The following ETFRF1 variants were observed in gnomAD, a reference collection of about 807,000 sequenced individuals.
ETFRF1 encodes electron transfer flavoprotein regulatory factor 1.
A neutral mutation model predicts 9.0 loss-of-function variants in ETFRF1; 12 were observed. The ratio of observed to expected loss-of-function variants is 1.34; its 90% CI spans 0.86 to 2.16. ETFRF1 has a LOEUF of 2.16. Ranked by LOEUF, ETFRF1 falls within the 30% of genes most tolerant of loss-of-function variation. ETFRF1 has a pLI of 0.00. For synonymous variants in ETFRF1, 34 were observed against 33.2 expected, an observed-to-expected ratio of 1.02 and a Z score of -0.08; for missense variants, 98 against 101.8, an observed-to-expected ratio of 0.96 and a Z score of 0.16.
chr12:25,202,072 A>AAAAAAAAAAAAT (rs1951078515), intron 1 of ETFRF1, among the ~76,000 whole-genome samples: 1 of 141,770 alleles, frequency 7.1e-6, no homozygotes, highest in Non-Finnish European at 1.5e-5. Context: ...ACAAAAAAAA[A>AAAAAAAAAAAAT]AAAAAAAAAA....
At chr12:25,202,393 GA>G (rs2141470931) in intron 1 of ETFRF1, among the ~76,000 whole-genome samples, 1 of 45,724 alleles carries the variant, frequency 2.2e-5, no homozygotes, top group East Asian at 4.7e-3. Flanking sequence ...ATGCAGTGAG[GA>G]GGGCCTCTGG....
chr12:25,199,645 C>T (rs1951059062), intron 1 of ETFRF1, among the ~76,000 whole-genome samples: 1 of 150,258 alleles, frequency 6.7e-6, no homozygotes, highest in African/African-American at 2.4e-5. Context: ...CACACACACA[C>T]ACAATGAAGC....
At chr12:25,198,035 ACT>A (rs1491504283) in intron 1 of ETFRF1, among the ~76,000 whole-genome samples, 2 of 152,142 alleles carry the variant, frequency 1.3e-5, no homozygotes, top group African/African-American at 2.4e-5. Flanking sequence ...AACCCAATTC[ACT>A]CTGCAGAATT....
intron 1 of ETFRF1, among the ~76,000 whole-genome samples, chr12:25,199,332 A>G (rs1229767635): frequency 2.9e-5 from 1 of 34,596 alleles, no homozygotes; most frequent in East Asian, 7.7e-4. Context: ...CATATAGTAC[A>G]TACTGTACTA....
chr12:25,198,106 T>G (rs1299159358), intron 1 of ETFRF1, among the ~76,000 whole-genome samples: 1 of 152,188 alleles, frequency 6.6e-6, no homozygotes, highest in African/African-American at 2.4e-5. Context: ...GAAAGCTATT[T>G]GAGAAACACC....
Position 25,204,322 on chromosome 12 carries a change from C to G in ETFRF1, c.*10C>G. 6.5e-7 allele frequency: 1 copy of G among 1,543,576 alleles called. No individual in the cohort carries two copies. The highest frequency in any genetic ancestry group is 8.7e-7 in the Non-Finnish European group (1 of 1,150,296). The stretch of plus-strand genomic sequence containing the variant: ...CAACAAAACTAATTGATCATTACTA[C>G]TTTAATTTAGCTATCAGTGCCAGCT... On this transcript the variant is annotated 3_prime_UTR_variant, in exon 3 of 3. Coordinates refer to ENST00000381356, the MANE Select transcript of ETFRF1 (RefSeq NM_001001660.3).
chr12:25,199,324 T>C (rs912799509), intron 1 of ETFRF1, among the ~76,000 whole-genome samples: 1 of 122,558 alleles, frequency 8.2e-6, no homozygotes, highest in African/African-American at 3.1e-5. Flanking sequence ...ATATAGTACA[T>C]ATAGTACATA....
At chr12:25,199,295 AGTAT>A (rs577255854) in intron 1 of ETFRF1, among the ~76,000 whole-genome samples, 294 of 149,000 alleles carry the variant, frequency 2.0e-3, no homozygotes, top group African/African-American at 6.5e-3. Context: ...TATACTACGT[AGTAT>A]GTACTACATA....
rs143485276 is a variant in ETFRF1, at chr12:25,202,350, G to C, written c.-37-1570G>C. ...GTGGGGGCGAGAGAAAGGCTGGCAA[G>C]GTAGTAGCCCAGCAGGGGATACTGG... On this transcript the variant is annotated intron_variant, in intron 1 of 2. Coordinates refer to ENST00000381356, the MANE Select transcript of ETFRF1 (RefSeq NM_001001660.3). 5.7e-4 allele frequency among the ~76,000 whole-genome samples: 86 copies of C among 151,934 alleles called. No individual in the cohort carries two copies. The East Asian group carries it at 0.013, about 23-fold the overall frequency.
chr12:25,197,659 G>A (rs1951041384), intron 1 of ETFRF1, among the ~76,000 whole-genome samples: 1 of 151,934 alleles, frequency 6.6e-6, no homozygotes, highest in Non-Finnish European at 1.5e-5. Flanking sequence ...TAGAGACAAG[G>A]TCTCACTCAC....
At position 25,199,615 on chromosome 12, in the gene ETFRF1, T is replaced by TACACACACACAC. The variant is rs769056865; in HGVS notation, c.-38+4281_-38+4282insCACACACACACA. 5.6e-3 allele frequency among the ~76,000 whole-genome samples: 623 copies of TACACACACACAC among 111,278 alleles called. 9 individuals carry two copies. Among genetic ancestry groups the TACACACACACAC allele is most frequent in the East Asian group, 0.025 (124 of 4,910 alleles). The allele number at this position is 111,278 out of a possible 152,430, so 73.0% of individuals were successfully genotyped here. ...AGATTTGTATATATACATATATGTA[T>TACACACACACAC]ACATACACACACACACACACACACA... On this transcript the variant is annotated intron_variant, in intron 1 of 2. Coordinates refer to ENST00000381356, the MANE Select transcript of ETFRF1 (RefSeq NM_001001660.3).
rs987529514 is a variant in ETFRF1 at position 25,204,107 on chromosome 12, G to A, written c.68G>A (p.Arg23Gln). The A allele has an allele frequency of 3.1e-6, 5 of 1,589,224 alleles. No individual in the cohort carries two copies. The highest frequency in any genetic ancestry group is 1.1e-5 in the South Asian group (1 of 88,478). The change falls in exon 3 of 3, where the codon CGA (arginine) becomes CAA (glutamine). Residue 23 changes from arginine (R) to glutamine (Q), a missense_variant. Transcript: ENST00000381356. The stretch of plus-strand genomic sequence containing the variant: ...TTTTTGAAGCTGCTGTATCTTGGAC[G>A]AGACTATCCAAAAGGAGCAGACTAT... ...KLYKNLLYLG[R>Q]DYPKGADYFK...
chr12:25,196,720 A>T (rs1288777595), intron 1 of ETFRF1, among the ~76,000 whole-genome samples: 2 of 152,240 alleles, frequency 1.3e-5, no homozygotes, highest in Non-Finnish European at 2.9e-5. Flanking sequence ...AGTAACCTCC[A>T]TGACTTCATG....
At chr12:25,195,447 G>T (rs1950968154) in intron 1 of ETFRF1, 110 bp downstream of exon 1, 4 of 460,584 alleles carry the variant, frequency 8.7e-6, no homozygotes, top group Non-Finnish European at 1.6e-5. Context: ...AGGGTTCTGA[G>T]CGTCTCCTGA....
At chr12:25,198,740 AG>A (rs1951051301) in intron 1 of ETFRF1, among the ~76,000 whole-genome samples, 1 of 152,246 alleles carries the variant, frequency 6.6e-6, no homozygotes, top group Non-Finnish European at 1.5e-5. Context: ...GTATTAATGT[AG>A]AAGTATTTTT....
intron 1 of ETFRF1, among the ~76,000 whole-genome samples, chr12:25,202,522 G>A (rs1212579488): frequency 1.3e-5 from 2 of 152,186 alleles, no homozygotes; most frequent in East Asian, 3.9e-4. Flanking sequence ...CCTTACCCAG[G>A]AGGGAGGAAA....
At chr12:25,199,615 T>C (rs1260982054) in intron 1 of ETFRF1, among the ~76,000 whole-genome samples, 3 of 111,234 alleles carry the variant, frequency 2.7e-5, no homozygotes, top group East Asian at 2.0e-4. Context: ...CATATATGTA[T>C]ACATACACAC....
intron 1 of ETFRF1, 73 bp from the exon 2 acceptor site, chr12:25,203,847 A>C: frequency 1.2e-6 from 1 of 820,372 alleles, no homozygotes. Flanking sequence ...CCATTTTCTC[A>C]ATGTGTATAA....
chr12:25,198,803 A>C (rs991251876), intron 1 of ETFRF1, among the ~76,000 whole-genome samples: 3 of 152,224 alleles, frequency 2.0e-5, no homozygotes, highest in African/African-American at 7.2e-5. Flanking sequence ...CCTTCAGTTA[A>C]GAAAAGGTCA....
Sources: allele counts gnomAD v4.1 joint callset (sites outside exome capture counted in the v4.1 genomes callset), GRCh38; gene constraint gnomAD v4.1.1; transcripts MANE v1.5; gene names NCBI Gene and HGNC (gene_info 2026-07-23, HGNC 2026-07-21).